Variants in AFG2A observed in about 807,000 individuals in gnomAD.
AFG2A encodes the protein AAA ATPase AFG2A.
chr4:123,310,252 G>A, the AFG2A span, among the ~76,000 whole-genome samples: 1 of 152,192 alleles, frequency 6.6e-6, no homozygotes, highest in Non-Finnish European at 1.5e-5. Context: ...GCTTTAGAGA[G>A]GACTGGCATT....
the AFG2A span, among the ~76,000 whole-genome samples, chr4:123,295,825 C>T: frequency 6.6e-6 from 1 of 152,156 alleles, no homozygotes; most frequent in African/African-American, 2.4e-5. Context: ...AGTGGGAGGA[C>T]GGCTTGAGCC....
At chr4:122,936,902 C>T in the AFG2A span, among the ~76,000 whole-genome samples, 6 of 152,174 alleles carry the variant, frequency 3.9e-5, no homozygotes, top group African/African-American at 1.4e-4. Flanking sequence ...ATCTCTTGAA[C>T]CCAGGAGGTG....
chr4:123,185,759 A>C, the AFG2A span, among the ~76,000 whole-genome samples: 1 of 152,176 alleles, frequency 6.6e-6, no homozygotes, highest in Non-Finnish European at 1.5e-5. Context: ...CATTGTTATC[A>C]AAATGTAAAA....
the AFG2A span, among the ~76,000 whole-genome samples, chr4:122,941,541 A>T: frequency 6.6e-6 from 1 of 152,242 alleles, no homozygotes; most frequent in African/African-American, 2.4e-5. Flanking sequence ...GGGCTGAGAC[A>T]GTGGGGTTTT....
At chr4:123,160,399 A>G in the AFG2A span, among the ~76,000 whole-genome samples, 1 of 152,202 alleles carries the variant, frequency 6.6e-6, no homozygotes, top group African/African-American at 2.4e-5. Context: ...TAATTTTTAC[A>G]TCAGCTCATC....
At chr4:123,113,132 G>A in the AFG2A span, among the ~76,000 whole-genome samples, 1 of 152,106 alleles carries the variant, frequency 6.6e-6, no homozygotes, top group African/African-American at 2.4e-5. Flanking sequence ...TTATTTTTCT[G>A]TGTGTGCATT....
chr4:123,006,414 T>A, the AFG2A span, among the ~76,000 whole-genome samples: 1 of 152,168 alleles, frequency 6.6e-6, no homozygotes, highest in African/African-American at 2.4e-5. Flanking sequence ...ATTCATCTTG[T>A]ATATTTGAGC....
At chr4:122,936,936 TG>T in the AFG2A span, among the ~76,000 whole-genome samples, 1 of 152,248 alleles carries the variant, frequency 6.6e-6, no homozygotes, top group East Asian at 1.9e-4. Context: ...GTTGAGATCG[TG>T]CCATTGCACT....
chr4:123,146,374 A>G, the AFG2A span, among the ~76,000 whole-genome samples: 1 of 152,180 alleles, frequency 6.6e-6, no homozygotes, highest in African/African-American at 2.4e-5. Context: ...AAGAAATAAG[A>G]GCCAAGTAAT....
At chr4:123,287,191 A>G in the AFG2A span, among the ~76,000 whole-genome samples, 3 of 152,230 alleles carry the variant, frequency 2.0e-5, no homozygotes, top group African/African-American at 4.8e-5. Context: ...AATATAAACT[A>G]GTATCACAGC....
At chr4:122,943,799 T>C in the AFG2A span, among the ~76,000 whole-genome samples, 4 of 152,188 alleles carry the variant, frequency 2.6e-5, no homozygotes, top group African/African-American at 7.2e-5. Context: ...ATGTTTAGTG[T>C]TTCCTTCAGG....
the AFG2A span, among the ~76,000 whole-genome samples, chr4:123,194,136 T>G: frequency 0.012 from 1,873 of 152,308 alleles, 36 homozygotes; most frequent in African/African-American, 0.043. Context: ...CAACTTGAAA[T>G]GACTTCAATC....
At chr4:123,086,820 G>T in the AFG2A span, among the ~76,000 whole-genome samples, 1 of 151,982 alleles carries the variant, frequency 6.6e-6, no homozygotes, top group African/African-American at 2.4e-5. Flanking sequence ...GCTGTTTCCG[G>T]TTGACTAATG....
chr4:123,215,556 C>G, the AFG2A span, among the ~76,000 whole-genome samples: 9 of 151,986 alleles, frequency 5.9e-5, no homozygotes, highest in African/African-American at 2.2e-4. Context: ...GAGAACAGAC[C>G]TGCAAAAGTG....
the AFG2A span, among the ~76,000 whole-genome samples, chr4:123,000,721 G>A: frequency 1.2e-5 from 1 of 86,706 alleles, no homozygotes; most frequent in African/African-American, 3.2e-5. Context: ...TTTTATTGAG[G>A]ATTTTTGCAT....
the AFG2A span, among the ~76,000 whole-genome samples, chr4:123,084,198 T>C: frequency 2.0e-5 from 3 of 152,038 alleles, no homozygotes; most frequent in South Asian, 2.1e-4. Context: ...TTTCTCTTTT[T>C]TTCGTAGATA....
the AFG2A span, among the ~76,000 whole-genome samples, chr4:123,114,731 G>A: frequency 6.6e-6 from 1 of 152,218 alleles, no homozygotes; most frequent in African/African-American, 2.4e-5. Flanking sequence ...AAGGGGCAGA[G>A]CTCCCGCCAG....
At chr4:122,977,827 A>G in the AFG2A span, among the ~76,000 whole-genome samples, 1 of 152,238 alleles carries the variant, frequency 6.6e-6, no homozygotes, top group Non-Finnish European at 1.5e-5. Flanking sequence ...TCCTTCTGCC[A>G]TCAGGTCGTC....
At chr4:123,166,170 C>G in the AFG2A span, among the ~76,000 whole-genome samples, 7 of 152,214 alleles carry the variant, frequency 4.6e-5, no homozygotes, top group East Asian at 1.4e-3. Context: ...AAGGTGTTGA[C>G]AAAGGAGATT....
Sources: gnomAD v4.1 joint callset for allele counts (sites outside exome capture counted in the v4.1 genomes callset) on GRCh38, gnomAD v4.1.1 for gene constraint, MANE v1.5 for transcripts, NCBI Gene and HGNC (gene_info 2026-07-23, HGNC 2026-07-21) for gene names.